CCDC171: variants seen among roughly 807,000 people sequenced by gnomAD.
The protein encoded by CCDC171 is coiled-coil domain containing 171, also known as coiled-coil domain-containing protein 171.
In CCDC171, 177 loss-of-function variants were observed where a neutral mutation model predicts 168.2. The observed-to-expected ratio is 1.05, with a 90% CI of 0.93 to 1.19. The LOEUF is 1.19. Among genes scored for constraint, CCDC171 ranks in the 50% most tolerant of loss-of-function variants. CCDC171 has a pLI of 0.00. For synonymous variants in CCDC171, 687 were observed against 540.8 expected (o/e 1.27, Z -3.75); for missense variants, 1,991 against 1,539.0 (o/e 1.29, Z -4.91).
intron 11 of CCDC171, among the ~76,000 whole-genome samples, chr9:15,713,979 G>C (rs962037066): frequency 6.6e-5 from 10 of 151,864 alleles, no homozygotes; most frequent in African/African-American, 2.4e-4. Flanking sequence ...CTTTACTAAG[G>C]GGGTAGAATG....
chr9:15,562,816 C>G (rs577335429), intron 1 of CCDC171, among the ~76,000 whole-genome samples: 3 of 152,228 alleles, frequency 2.0e-5, no homozygotes, highest in Admixed American at 2.0e-4. Flanking sequence ...CTCTTACTTT[C>G]ATTCTGAAGG....
chr9:15,698,134 C>T (rs926672480), intron 11 of CCDC171, among the ~76,000 whole-genome samples: 11 of 152,106 alleles, frequency 7.2e-5, no homozygotes, highest in Non-Finnish European at 1.6e-4. Context: ...CATTAATCTA[C>T]CTCTCTTCAA....
At chr9:15,609,951 A>C (rs769058128) in intron 6 of CCDC171, among the ~76,000 whole-genome samples, 17 of 152,028 alleles carry the variant, frequency 1.1e-4, no homozygotes, top group Admixed American at 1.3e-4. Flanking sequence ...TATAATGCTT[A>C]TCTCTTCTAT....
chr9:15,847,099 C>T (rs1341739), intron 22 of CCDC171, among the ~76,000 whole-genome samples: 131,986 of 152,120 alleles, frequency 0.87, 57,327 homozygotes, highest in East Asian at 0.98. Flanking sequence ...GGCTCTGTTA[C>T]AGTGTTACAT....
chr9:15,955,814 A>G (rs574955233), intron 25 of CCDC171, among the ~76,000 whole-genome samples: 3 of 152,204 alleles, frequency 2.0e-5, no homozygotes, highest in East Asian at 1.9e-4. Flanking sequence ...GGTGCTTTCT[A>G]TCAGGGACTT....
chr9:16,046,542 G>T (rs1017841569), intron 1 of CCDC171, among the ~76,000 whole-genome samples: 22 of 152,110 alleles, frequency 1.4e-4, no homozygotes, highest in African/African-American at 5.3e-4. Context: ...TTGGATCTGT[G>T]TCCCCACCCA....
intron 21 of CCDC171, among the ~76,000 whole-genome samples, chr9:15,795,918 C>A (rs1374556585): frequency 1.3e-5 from 2 of 152,112 alleles, no homozygotes; most frequent in African/African-American, 4.8e-5. Context: ...ACCAGTGTGA[C>A]CTTGTAGAAG....
intron 24 of CCDC171, among the ~76,000 whole-genome samples, chr9:15,919,638 A>G (rs750230102): frequency 1.3e-5 from 2 of 151,698 alleles, no homozygotes; most frequent in Non-Finnish European, 3.0e-5. Context: ...CTGTGATACA[A>G]TAATTCCCTA....
intron 7 of CCDC171, among the ~76,000 whole-genome samples, chr9:15,641,433 T>C (rs1194403342): frequency 1.3e-5 from 2 of 152,250 alleles, no homozygotes; most frequent in Non-Finnish European, 2.9e-5. Context: ...TTTTGTTTAC[T>C]CAATCTTTCA....
At chr9:15,846,565 T>G (rs949970534) in intron 21 of CCDC171, 137 bp from the exon 22 acceptor site, 2 of 755,012 alleles carry the variant, frequency 2.6e-6, no homozygotes, top group African/African-American at 1.7e-5. Context: ...TTGCAGAAAA[T>G]TTGTTAAACT....
chr9:15,735,221 T>C (rs2054414525), intron 16 of CCDC171, among the ~76,000 whole-genome samples: 1 of 152,246 alleles, frequency 6.6e-6, no homozygotes, highest in Admixed American at 6.5e-5. Context: ...TAAAGTTTGC[T>C]AGCCACATGT....
intron 14 of CCDC171, among the ~76,000 whole-genome samples, chr9:15,725,280 G>GC (rs1356472215): frequency 1.3e-5 from 2 of 152,040 alleles, no homozygotes; most frequent in Admixed American, 1.3e-4. Context: ...GTTCCTGTTT[G>GC]CCAATGACAA....
intron 7 of CCDC171, among the ~76,000 whole-genome samples, chr9:15,655,980 A>C (rs4741528): frequency 1.3e-5 from 2 of 151,928 alleles, no homozygotes; most frequent in South Asian, 4.2e-4. Context: ...GGTGTTAGTA[A>C]TCTAAATTGG....
intron 21 of CCDC171, among the ~76,000 whole-genome samples, chr9:15,826,061 A>G (rs976349490): frequency 6.6e-5 from 10 of 151,882 alleles, no homozygotes; most frequent in African/African-American, 2.4e-4. Context: ...AAATATTTCT[A>G]TCTTCTTATT....
intron 7 of CCDC171, among the ~76,000 whole-genome samples, chr9:15,628,001 T>C (rs963909235): frequency 1.3e-5 from 2 of 152,092 alleles, no homozygotes; most frequent in Non-Finnish European, 2.9e-5. Context: ...GAAGCCGTAT[T>C]GTGTAGGGTG....
the CCDC171 span, among the ~76,000 whole-genome samples, chr9:16,080,726 A>G: frequency 3.9e-5 from 6 of 152,092 alleles, no homozygotes; most frequent in African/African-American, 1.4e-4. Context: ...TTCTTTATAC[A>G]TCTTTGTCTC....
chr9:15,755,647 T>A (rs950234), intron 18 of CCDC171, among the ~76,000 whole-genome samples: 57,104 of 152,134 alleles, frequency 0.38, 13,350 homozygotes, highest in East Asian at 0.65. Flanking sequence ...CTACATGCTA[T>A]AATGTGAATG....
chr9:16,033,568 C>T (rs1293906040), intron 6 of CCDC171, among the ~76,000 whole-genome samples: 1 of 152,320 alleles, frequency 6.6e-6, no homozygotes, highest in East Asian at 1.9e-4. Context: ...AGGGCTCCCA[C>T]TGATTCTACA....
intron 2 of CCDC171, among the ~76,000 whole-genome samples, chr9:15,571,324 C>G (rs527501773): frequency 1.3e-5 from 2 of 152,278 alleles, no homozygotes; most frequent in Admixed American, 6.5e-5. Context: ...AGAACCCAGT[C>G]TCTTCCAAAA....
Sources: gnomAD v4.1 joint callset for allele counts (sites outside exome capture counted in the v4.1 genomes callset) on GRCh38, gnomAD v4.1.1 for gene constraint, MANE v1.5 for transcripts, NCBI Gene and HGNC (gene_info 2026-07-23, HGNC 2026-07-21) for gene names.